The following AGBL4 variants were observed in gnomAD, a reference collection of about 807,000 sequenced individuals.
The protein encoded by AGBL4 is cytosolic carboxypeptidase 6.
In AGBL4, 58 loss-of-function variants were observed where a neutral mutation model predicts 66.4. The observed-to-expected ratio is 0.87, with a 90% CI of 0.71 to 1.09. The LOEUF (loss-of-function observed/expected upper bound fraction) is 1.09. Among genes scored for constraint, AGBL4 ranks in the 50% least tolerant of loss-of-function variants. The pLI is 0.00. For synonymous variants in AGBL4, 234 were observed against 222.9 expected, an observed-to-expected ratio of 1.05 and a Z score of -0.44; for missense variants, 579 against 631.0, an observed-to-expected ratio of 0.92 and a Z score of 0.88.
intron 6 of AGBL4, among the ~76,000 whole-genome samples, chr1:48,713,910 C>G (rs1361662099): frequency 1.3e-5 from 2 of 152,186 alleles, no homozygotes; most frequent in Non-Finnish European, 2.9e-5. Flanking sequence ...CAATAGATAT[C>G]TTCATTCTTC....
intron 1 of AGBL4, among the ~76,000 whole-genome samples, chr1:49,858,785 G>C (rs1646494745): frequency 6.6e-6 from 1 of 152,182 alleles, no homozygotes; most frequent in South Asian, 2.1e-4. Context: ...GGGAGGCTGA[G>C]GCGGCAGATC....
intron 2 of AGBL4, among the ~76,000 whole-genome samples, chr1:49,826,246 C>T (rs569853310): frequency 7.9e-5 from 12 of 152,046 alleles, no homozygotes; most frequent in South Asian, 2.1e-4. Flanking sequence ...ACAAGCAAAA[C>T]ATATTGGGAA....
At chr1:49,780,925 A>G (rs911872690) in intron 2 of AGBL4, among the ~76,000 whole-genome samples, 1 of 152,090 alleles carries the variant, frequency 6.6e-6, no homozygotes, top group Non-Finnish European at 1.5e-5. Flanking sequence ...AGACATTATA[A>G]CTCCGGGGAA....
chr1:49,316,565 C>A (rs1262417690), intron 3 of AGBL4, among the ~76,000 whole-genome samples: 1 of 151,762 alleles, frequency 6.6e-6, no homozygotes, highest in Non-Finnish European at 1.5e-5. Context: ...TATAAATTGT[C>A]ATTACTCTTA....
intron 4 of AGBL4, among the ~76,000 whole-genome samples, chr1:49,158,717 T>C (rs1325838061): frequency 6.6e-6 from 1 of 151,968 alleles, no homozygotes; most frequent in African/African-American, 2.4e-5. Flanking sequence ...TCTTTGTAGG[T>C]CTCTAAGACC....
At chr1:48,720,812 T>C (rs1307262442) in intron 6 of AGBL4, among the ~76,000 whole-genome samples, 3 of 151,696 alleles carry the variant, frequency 2.0e-5, no homozygotes, top group African/African-American at 7.3e-5. Flanking sequence ...ATCCTCTGAG[T>C]GTTAAGGTAC....
chr1:49,921,379 T>C (rs1327995768), intron 1 of AGBL4, among the ~76,000 whole-genome samples: 1 of 152,178 alleles, frequency 6.6e-6, no homozygotes, highest in Admixed American at 6.5e-5. Flanking sequence ...AACGAAAATT[T>C]ATATTCATAA....
intron 1 of AGBL4, among the ~76,000 whole-genome samples, chr1:49,878,040 T>G (rs1647077035): frequency 6.6e-6 from 1 of 151,970 alleles, no homozygotes; most frequent in Admixed American, 6.6e-5. Flanking sequence ...TCTCTTTGAT[T>G]CTTCTCTCTT....
intron 3 of AGBL4, among the ~76,000 whole-genome samples, chr1:49,253,700 C>T (rs564459701): frequency 6.6e-6 from 1 of 151,258 alleles, no homozygotes; most frequent in East Asian, 2.0e-4. Flanking sequence ...ATACCAAAAC[C>T]TGGCAGAGAC....
intron 2 of AGBL4, among the ~76,000 whole-genome samples, chr1:49,757,459 T>C (rs998932083): frequency 6.6e-6 from 1 of 152,092 alleles, no homozygotes; most frequent in African/African-American, 2.4e-5. Flanking sequence ...CAGAAAAGCG[T>C]GGGAAAGTTT....
chr1:49,630,118 A>G (rs564350181), intron 3 of AGBL4, among the ~76,000 whole-genome samples: 4 of 152,202 alleles, frequency 2.6e-5, no homozygotes, highest in Middle Eastern at 3.4e-3. Context: ...ATATTACTTC[A>G]GAGCATCATT....
At chr1:49,379,894 A>C (rs1431821273) in intron 3 of AGBL4, among the ~76,000 whole-genome samples, 1 of 152,096 alleles carries the variant, frequency 6.6e-6, no homozygotes, top group Admixed American at 6.6e-5. Flanking sequence ...CTGGCCTCAT[A>C]AAATGAGTCA....
chr1:49,255,871 G>A (rs1240315475), intron 3 of AGBL4, among the ~76,000 whole-genome samples: 1 of 152,158 alleles, frequency 6.6e-6, no homozygotes, highest in African/African-American at 2.4e-5. Flanking sequence ...GGACATGGAT[G>A]GAGCTGGAGA....
At chr1:49,708,295 A>G (rs114335559) in intron 2 of AGBL4, among the ~76,000 whole-genome samples, 7,541 of 151,740 alleles carry the variant, frequency 0.05, 568 homozygotes, top group African/African-American at 0.16. Flanking sequence ...ATTTTATTTC[A>G]TTAAGTTGAG....
intron 2 of AGBL4, among the ~76,000 whole-genome samples, chr1:49,720,809 C>A (rs953452906): frequency 1.3e-5 from 2 of 152,130 alleles, no homozygotes; most frequent in Non-Finnish European, 2.9e-5. Context: ...GTTATAGGGA[C>A]ATAAAATTAA....
chr1:49,837,875 T>G (rs916235879), intron 2 of AGBL4, among the ~76,000 whole-genome samples: 16 of 152,056 alleles, frequency 1.1e-4, no homozygotes, highest in Admixed American at 3.9e-4. Flanking sequence ...CAGCTTCTCC[T>G]AAGGTTCAGC....
At chr1:49,038,608 A>T (rs1191241100) in intron 5 of AGBL4, among the ~76,000 whole-genome samples, 1 of 152,166 alleles carries the variant, frequency 6.6e-6, no homozygotes, top group Non-Finnish European at 1.5e-5. Flanking sequence ...GATGCTTTAC[A>T]TCATATGTCA....
At chr1:48,905,463 A>G (rs753905413) in intron 5 of AGBL4, among the ~76,000 whole-genome samples, 1 of 152,244 alleles carries the variant, frequency 6.6e-6, no homozygotes, top group Non-Finnish European at 1.5e-5. Context: ...GTTATAATAA[A>G]CAATGGAAGA....
chr1:48,655,301 C>T (rs1421599555), intron 7 of AGBL4, among the ~76,000 whole-genome samples: 2 of 152,168 alleles, frequency 1.3e-5, no homozygotes, highest in Non-Finnish European at 2.9e-5. Context: ...ATAGGGAGAT[C>T]TTTCTTTTCT....
Sources: allele counts gnomAD v4.1 joint callset (sites outside exome capture counted in the v4.1 genomes callset), GRCh38; gene constraint gnomAD v4.1.1; transcripts MANE v1.5; gene names NCBI Gene and HGNC (gene_info 2026-07-23, HGNC 2026-07-21).